Variants in FILIP1L observed in about 807,000 individuals in gnomAD.
FILIP1L encodes the protein filamin A-interacting protein 1-like.
A neutral mutation model predicts 96.6 loss-of-function variants in FILIP1L; 55 were observed. That is an observed-to-expected ratio of 0.57 (90% CI 0.46 to 0.71). The LOEUF is 0.71. Ranked by LOEUF, FILIP1L falls within the 30% of genes least tolerant of loss-of-function variation. The pLI is 0.00. For synonymous variants in FILIP1L, 467 were observed against 473.9 expected, an observed-to-expected ratio of 0.99 and a Z score of 0.19; for missense variants, 1,304 against 1,321.2, an observed-to-expected ratio of 0.99 and a Z score of 0.20.
intron 1 of FILIP1L, among the ~76,000 whole-genome samples, chr3:99,978,792 CGA>C (rs1559711579): frequency 6.6e-6 from 1 of 151,782 alleles, no homozygotes; most frequent in Non-Finnish European, 1.5e-5. Context: ...GGCTGAGGCA[CGA>C]GAGTCACTTG....
rs377403924 is a variant in FILIP1L at position 99,848,986 on chromosome 3, G to A, written c.2690C>T (p.Thr897Ile). Residue 897 changes from threonine (T) to isoleucine (I), a missense_variant, in exon 5 of 6, where the codon ACA becomes ATA. Transcript: ENST00000477258. ...VQPGDLVLSH[T>I]PGQPLHIKVT... Reference sequence around the variant, plus strand: ...CTTTATATGAAGTGGCTGCCCAGGTGTGTGGCTTAGGACTAGATCTCCAGG... The same window carrying A: ...CTTTATATGAAGTGGCTGCCCAGGTATGTGGCTTAGGACTAGATCTCCAGG... The A allele has an allele frequency of 1.1e-5, 18 of 1,613,996 alleles. No homozygotes were observed. Among genetic ancestry groups the A allele is most frequent in the South Asian group, 2.2e-5 (2 of 91,076 alleles).
intron 5 of FILIP1L, among the ~76,000 whole-genome samples, chr3:99,838,826 T>C (rs1208745516): frequency 6.6e-6 from 1 of 152,146 alleles, no homozygotes; most frequent in Non-Finnish European, 1.5e-5. Flanking sequence ...AAAATAATAT[T>C]GTATAATGGA....
chr3:99,932,808 T>A (rs1357768322), intron 1 of FILIP1L, among the ~76,000 whole-genome samples: 1 of 152,058 alleles, frequency 6.6e-6, no homozygotes, highest in African/African-American at 2.4e-5. Flanking sequence ...CAGGAATTGC[T>A]TCAACACAGG....
At chr3:99,955,649 A>G (rs1412034605) in intron 1 of FILIP1L, among the ~76,000 whole-genome samples, 1 of 152,220 alleles carries the variant, frequency 6.6e-6, no homozygotes, top group Admixed American at 6.5e-5. Flanking sequence ...AGTCTTGCCT[A>G]TCAAACTCTT....
At position 99,848,109 on chromosome 3, in the gene FILIP1L, A is replaced by G. The variant is rs1010246088; in HGVS notation, c.3381+186T>C. The G allele has an allele frequency of 1.5e-5, 22 of 1,447,634 alleles. 1 individual carries two copies. In the Admixed American group the frequency reaches 2.5e-4, roughly 16 times the overall value. 89.7% of individuals were successfully genotyped at this position (1,447,634 alleles called of 1,614,324 possible). On this transcript the variant is annotated intron_variant, in intron 5 of 5. Transcript: ENST00000477258. The stretch of plus-strand genomic sequence containing the variant: ...GATATACAGTAAGTGCACACTCGAT[A>G]TGACTATGCAGGCAACAGTTAGTTT...
At chr3:99,914,221 T>C (rs941743797) in intron 4 of FILIP1L, among the ~76,000 whole-genome samples, 1 of 152,224 alleles carries the variant, frequency 6.6e-6, no homozygotes, top group African/African-American at 2.4e-5. Flanking sequence ...ATTTGGACTC[T>C]AAGACTTGAT....
intron 3 of FILIP1L, among the ~76,000 whole-genome samples, chr3:99,928,581 A>G (rs74446483): frequency 2.0e-4 from 30 of 152,306 alleles, no homozygotes; most frequent in African/African-American, 7.0e-4. Context: ...CATGTGCACA[A>G]TAGAATTATT....
intron 4 of FILIP1L, among the ~76,000 whole-genome samples, chr3:99,888,077 A>G (rs983395402): frequency 6.6e-6 from 1 of 152,196 alleles, no homozygotes; most frequent in Non-Finnish European, 1.5e-5. Context: ...CTTAGGTACT[A>G]TCTTCGGACA....
intron 1 of FILIP1L, among the ~76,000 whole-genome samples, chr3:99,958,225 A>ATTG (rs1708393247): frequency 6.9e-6 from 1 of 145,676 alleles, no homozygotes; most frequent in Non-Finnish European, 1.5e-5. Flanking sequence ...TATTATTATT[A>ATTG]TTATTATTAT....
intron 1 of FILIP1L, among the ~76,000 whole-genome samples, chr3:99,935,844 T>A (rs1335401322): frequency 2.6e-5 from 4 of 152,216 alleles, no homozygotes; most frequent in Non-Finnish European, 4.4e-5. Context: ...TCATGGTGTA[T>A]CTTGGTAAGG....
intron 4 of FILIP1L, among the ~76,000 whole-genome samples, chr3:99,882,052 A>G (rs1705747606): frequency 6.6e-6 from 1 of 152,186 alleles, no homozygotes; most frequent in Non-Finnish European, 1.5e-5. Context: ...TTGGATTTAT[A>G]TGTTTTCTTT....
At chr3:99,950,621 G>C (rs1708147815) in intron 1 of FILIP1L, among the ~76,000 whole-genome samples, 1 of 152,162 alleles carries the variant, frequency 6.6e-6, no homozygotes, top group Admixed American at 6.5e-5. Context: ...GCCCATGGCT[G>C]TATGACTATC....
chr3:99,833,991 T>A (rs1942793231), intron 5 of FILIP1L, among the ~76,000 whole-genome samples: 1 of 152,216 alleles, frequency 6.6e-6, no homozygotes. Context: ...TGAAGAAAAA[T>A]ATATTTGAAA....
intron 1 of FILIP1L, among the ~76,000 whole-genome samples, chr3:100,083,379 G>T (rs528614020): frequency 1.3e-5 from 2 of 152,212 alleles, no homozygotes; most frequent in African/African-American, 4.8e-5. Flanking sequence ...CTGGGAACTT[G>T]CAAGACATGA....
chr3:99,992,787 T>A (rs1043068485), intron 1 of FILIP1L, among the ~76,000 whole-genome samples: 2 of 152,132 alleles, frequency 1.3e-5, no homozygotes, highest in Admixed American at 6.5e-5. Context: ...CTAAGGTTTT[T>A]ATGGTTTCAG....
chr3:100,084,622 A>C (rs2065979678), intron 1 of FILIP1L, among the ~76,000 whole-genome samples: 1 of 152,240 alleles, frequency 6.6e-6, no homozygotes, highest in South Asian at 2.1e-4. Flanking sequence ...ATGTGGTTTT[A>C]CTATGTCTAT....
chr3:99,834,106 G>A (rs1463922476), intron 5 of FILIP1L, among the ~76,000 whole-genome samples: 1 of 152,160 alleles, frequency 6.6e-6, no homozygotes, highest in South Asian at 2.1e-4. Context: ...CTGGCAGCTA[G>A]CCCAAAATTT....
At chr3:100,028,546 T>C (rs2064967912) in intron 1 of FILIP1L, among the ~76,000 whole-genome samples, 1 of 152,162 alleles carries the variant, frequency 6.6e-6, no homozygotes, top group African/African-American at 2.4e-5. Flanking sequence ...AGGTAATATA[T>C]TTTATTACTA....
intron 3 of FILIP1L, 98 bp from the exon 4 acceptor site, chr3:99,924,506 G>A: frequency 8.0e-7 from 1 of 1,257,074 alleles, no homozygotes; most frequent in Admixed American, 2.3e-5. Context: ...ATTCGGCAGT[G>A]GGTTTTTTTG....
Sources: allele counts gnomAD v4.1 joint callset (sites outside exome capture counted in the v4.1 genomes callset), GRCh38; gene constraint gnomAD v4.1.1; transcripts MANE v1.5; gene names NCBI Gene and HGNC (gene_info 2026-07-23, HGNC 2026-07-21).